The following ADGRL3 variants were observed in gnomAD, a reference collection of about 807,000 sequenced individuals.
ADGRL3 encodes calcium-independent alpha-latrotoxin receptor 3.
ADGRL3 carries 62 observed loss-of-function variants against 153.5 expected under a neutral mutation model. The observed-to-expected ratio is 0.40, with a 90% CI of 0.33 to 0.50. The LOEUF (loss-of-function observed/expected upper bound fraction) is 0.50, where lower values mean the gene tolerates loss of function less well. ADGRL3 is among the 20% of genes least tolerant of loss of function. The probability of loss-of-function intolerance (pLI) is 0.47; values close to 1 mark genes in which losing one functional copy is unlikely to be tolerated. For missense variants in ADGRL3, 1,641 were observed against 1,859.4 expected (o/e 0.88, Z 2.16); for synonymous variants, 710 against 672.5 (o/e 1.06, Z -0.86).
rs57443466 is a variant in ADGRL3 at position 61,417,704 on chromosome 4, CTT to C, written c.-174+34525_-174+34526del. 2.3e-3 allele frequency among the ~76,000 whole-genome samples: 342 copies of C among 149,706 alleles called. 17 individuals carry two copies. The highest frequency in any genetic ancestry group is 0.019 in the Admixed American group (293 of 15,058). ...TTTTAAAATAGTTTATGCCAAATGA[CTT>C]TTTTTTTTTCACTTTTAGAGGAGGT... On this transcript the variant is annotated intron_variant, in intron 2 of 26. Coordinates refer to ENST00000683033, the MANE Select transcript of ADGRL3 (RefSeq NM_001387552.1).
At chr4:61,292,885 C>T (rs1249234970) in intron 1 of ADGRL3, among the ~76,000 whole-genome samples, 1 of 152,102 alleles carries the variant, frequency 6.6e-6, no homozygotes. Flanking sequence ...TGATTTTTAA[C>T]AAAATGCGTA....
chr4:61,838,618 A>C (rs1239827397), intron 9 of ADGRL3, among the ~76,000 whole-genome samples: 1 of 152,194 alleles, frequency 6.6e-6, no homozygotes, highest in Admixed American at 6.5e-5. Context: ...AATGCTTAAC[A>C]TCTTTGACTA....
intron 8 of ADGRL3, among the ~76,000 whole-genome samples, chr4:61,798,620 T>A (rs1227752423): frequency 1.3e-5 from 2 of 151,756 alleles, no homozygotes; most frequent in Non-Finnish European, 2.9e-5. Context: ...ATTTATTTAT[T>A]TATTTATTTA....
intron 9 of ADGRL3, among the ~76,000 whole-genome samples, chr4:61,840,802 C>T (rs1300379006): frequency 6.6e-6 from 1 of 152,148 alleles, no homozygotes; most frequent in African/African-American, 2.4e-5. Flanking sequence ...ATTAATGCTG[C>T]TTCTGAATGA....
At chr4:61,346,613 GAA>G (rs35020356) in intron 1 of ADGRL3, among the ~76,000 whole-genome samples, 450 of 141,980 alleles carry the variant, frequency 3.2e-3, no homozygotes, top group Admixed American at 5.8e-3. Context: ...AAGAAAAATA[GAA>G]AAAAAAAAAA....
intron 21 of ADGRL3, among the ~76,000 whole-genome samples, chr4:62,027,176 G>T (rs184890289): frequency 6.6e-6 from 1 of 152,104 alleles, no homozygotes; most frequent in Non-Finnish European, 1.5e-5. Flanking sequence ...GGTAATATAA[G>T]TACAGGATTT....
At chr4:61,568,199 T>TTTGATA (rs2098824151) in intron 4 of ADGRL3, among the ~76,000 whole-genome samples, 1 of 152,130 alleles carries the variant, frequency 6.6e-6, no homozygotes, top group Non-Finnish European at 1.5e-5. Context: ...TTTAATCTCT[T>TTTGATA]TTTGCATGGC....
intron 1 of ADGRL3, among the ~76,000 whole-genome samples, chr4:61,353,527 G>A (rs2096094707): frequency 6.6e-6 from 1 of 151,490 alleles, no homozygotes; most frequent in African/African-American, 2.4e-5. Flanking sequence ...TCTAAAAGAG[G>A]TGTTTTAATA....
intron 21 of ADGRL3, among the ~76,000 whole-genome samples, chr4:62,009,175 G>A (rs192947012): frequency 3.3e-5 from 5 of 152,054 alleles, no homozygotes; most frequent in East Asian, 3.9e-4. Context: ...GGCAACTGTC[G>A]AAAGGCTTTA....
At chr4:61,883,691 T>C (rs2098521244) in intron 9 of ADGRL3, among the ~76,000 whole-genome samples, 1 of 152,218 alleles carries the variant, frequency 6.6e-6, no homozygotes, top group African/African-American at 2.4e-5. Context: ...CTCATTATTT[T>C]ACTCTTAAAC....
At position 61,610,138 on chromosome 4, in the gene ADGRL3, G is replaced by GATATAC. The variant is rs2099047434; in HGVS notation, c.473+22703_473+22704insCATATA. 4.1e-5 allele frequency among the ~76,000 whole-genome samples: 6 copies of GATATAC among 146,862 alleles called. No individual in the cohort carries two copies. In the South Asian group the frequency reaches 1.3e-3, roughly 32 times the overall value. ...TTTTAGTTTAAAATAAGGGAAGTGA[G>GATATAC]ATATATATATATATATATACTTCTT... On this transcript the variant is annotated intron_variant, in intron 5 of 26. Coordinates refer to ENST00000683033, the MANE Select transcript of ADGRL3 (RefSeq NM_001387552.1).
intron 2 of ADGRL3, among the ~76,000 whole-genome samples, chr4:61,451,334 T>C (rs1221671985): frequency 6.6e-6 from 1 of 152,016 alleles, no homozygotes; most frequent in Non-Finnish European, 1.5e-5. Flanking sequence ...GTAACATATA[T>C]AACATTTTAA....
At chr4:61,884,811 G>A (rs942693896) in intron 9 of ADGRL3, among the ~76,000 whole-genome samples, 17 of 151,400 alleles carry the variant, frequency 1.1e-4, no homozygotes, top group African/African-American at 4.1e-4. Context: ...TTTTGGTAGA[G>A]ACAGGTTTTT....
chr4:61,782,181 T>C (rs1046858725), intron 8 of ADGRL3, among the ~76,000 whole-genome samples: 2 of 152,118 alleles, frequency 1.3e-5, no homozygotes, highest in Non-Finnish European at 2.9e-5. Flanking sequence ...ATCCTAAATA[T>C]GTGAGTTCCC....
chr4:61,831,394 A>G (rs1484729742), intron 9 of ADGRL3, among the ~76,000 whole-genome samples: 3 of 144,698 alleles, frequency 2.1e-5, no homozygotes, highest in African/African-American at 7.7e-5. Context: ...AAGATGAAGA[A>G]AGGAAAAGAT....
chr4:61,692,242 C>T lies in ADGRL3; in HGVS notation c.583+15307C>T, dbSNP rs867692994. ...TAGGTGATAGGATTTTTATTTTAAA[C>T]ATAAGGAACATAGAAAAAGAATTAG... On this transcript the variant is annotated intron_variant, in intron 6 of 26. Coordinates refer to ENST00000683033, the MANE Select transcript of ADGRL3 (RefSeq NM_001387552.1). Among the ~76,000 whole-genome samples, 4 of 151,996 alleles carry T rather than the reference C, an allele frequency of 2.6e-5. No homozygotes were observed. The South Asian group carries it at 8.3e-4, about 31-fold the overall frequency.
intron 5 of ADGRL3, among the ~76,000 whole-genome samples, chr4:61,600,243 G>T (rs541419653): frequency 3.4e-3 from 472 of 139,010 alleles, no homozygotes; most frequent in Non-Finnish European, 5.9e-3. Flanking sequence ...GGGAGGCAGA[G>T]GTTGCAGTGA....
chr4:62,044,707 C>A (rs1282999413), intron 25 of ADGRL3, among the ~76,000 whole-genome samples, 158 bp downstream of exon 25: 1 of 151,988 alleles, frequency 6.6e-6, no homozygotes, highest in Non-Finnish European at 1.5e-5. Context: ...TTCCATTATT[C>A]ATAAGCTACT....
intron 1 of ADGRL3, among the ~76,000 whole-genome samples, chr4:61,312,619 A>G (rs2095055550): frequency 6.6e-6 from 1 of 152,248 alleles, no homozygotes; most frequent in South Asian, 2.1e-4. Context: ...AGATATACAG[A>G]TAAAAAATAA....
Sources: gnomAD v4.1 joint callset for allele counts (sites outside exome capture counted in the v4.1 genomes callset) on GRCh38, gnomAD v4.1.1 for gene constraint, MANE v1.5 for transcripts, NCBI Gene and HGNC (gene_info 2026-07-23, HGNC 2026-07-21) for gene names.